Variants in KIAA1958 observed in about 807,000 individuals in gnomAD.
KIAA1958 encodes the protein KIAA1958.
KIAA1958 carries 14 observed loss-of-function variants against 47.2 expected under a neutral mutation model. The ratio of observed to expected loss-of-function variants is 0.30; its 90% CI spans 0.20 to 0.46. KIAA1958 has a LOEUF of 0.46. Among genes scored for constraint, KIAA1958 ranks in the 20% least tolerant of loss-of-function variants. The probability of loss-of-function intolerance (pLI) is 1.00; values close to 1 mark genes in which losing one functional copy is unlikely to be tolerated. For synonymous variants in KIAA1958, 354 were observed against 353.3 expected (o/e 1.00, Z -0.02); for missense variants, 803 against 909.2 (o/e 0.88, Z 1.50).
At position 112,618,493 on chromosome 9, in the gene KIAA1958, A is replaced by G. The variant is rs1366549827; in HGVS notation, c.1172-27157A>G. The stretch of plus-strand genomic sequence containing the variant: ...GAGACTTGAATGCCAAAACCAAGAG[A>G]GGGGGGACAGACTCCCGTGTGTATG... On this transcript the variant is annotated intron_variant, in intron 2 of 3. Transcript: ENST00000337530. The surrounding 1 kb of genome is among the most constrained non-coding windows in gnomAD (Gnocchi z 7.1). 3 of 1,550,510 alleles carry G rather than the reference A, an allele frequency of 1.9e-6. No individual in the cohort carries two copies. The African/African-American group carries it at 4.1e-5, about 21-fold the overall frequency.
intron 1 of KIAA1958, among the ~76,000 whole-genome samples, chr9:112,553,153 TC>T (rs1835185228): frequency 2.5e-5 from 1 of 40,428 alleles, no homozygotes; most frequent in South Asian, 9.9e-4. Flanking sequence ...TCTGCTCCCC[TC>T]CCCTGCCCTC....
At chr9:112,544,426 A>G (rs1834995278) in intron 1 of KIAA1958, among the ~76,000 whole-genome samples, 1 of 152,228 alleles carries the variant, frequency 6.6e-6, no homozygotes, top group East Asian at 1.9e-4. Context: ...TAGGGACCAC[A>G]TCTATCTTAT....
chr9:112,487,082 A>T lies in KIAA1958; in HGVS notation c.-61A>T. 1 of 224,792 alleles carries T rather than the reference A, an allele frequency of 4.4e-6. No homozygotes were observed. The highest frequency in any genetic ancestry group is 9.1e-6 in the Non-Finnish European group (1 of 110,422). The allele number at this position is 224,792 out of a possible 1,614,324, so 13.9% of individuals were successfully genotyped here. On this transcript the variant is annotated 5_prime_UTR_variant, in exon 1 of 4. Coordinates refer to ENST00000337530, the MANE Select transcript of KIAA1958 (RefSeq NM_133465.4). ...GGCTCTCGCAGGCCCCCCCGCGCCGACCGCGTTCCTATGGACAGACGCACA... is the reference window on the plus strand; with the variant it reads ...GGCTCTCGCAGGCCCCCCCGCGCCGTCCGCGTTCCTATGGACAGACGCACA...
chr9:112,651,174 A>G (rs897848716), intron 3 of KIAA1958, among the ~76,000 whole-genome samples: 1 of 152,072 alleles, frequency 6.6e-6, no homozygotes, highest in Non-Finnish European at 1.5e-5. Context: ...ACTTAACCTA[A>G]TTGACCTGTA....
chr9:112,533,098 T>A (rs1275931526), intron 1 of KIAA1958, among the ~76,000 whole-genome samples: 1 of 152,124 alleles, frequency 6.6e-6, no homozygotes, highest in East Asian at 1.9e-4. Context: ...TTATAAAATA[T>A]GTGTGTATCT....
chr9:112,637,176 G>A (rs1229298600), intron 2 of KIAA1958, among the ~76,000 whole-genome samples: 2 of 152,152 alleles, frequency 1.3e-5, no homozygotes, highest in East Asian at 1.9e-4. Context: ...CCCACAAGAC[G>A]TCACTAGTAT....
At chr9:112,561,131 T>C (rs533768723) in intron 1 of KIAA1958, among the ~76,000 whole-genome samples, 2 of 151,480 alleles carry the variant, frequency 1.3e-5, no homozygotes, top group Non-Finnish European at 2.9e-5. Context: ...CTTGGCTCAC[T>C]GCAAGCTCCG....
At chr9:112,622,800 A>T (rs1160906778) in intron 2 of KIAA1958, among the ~76,000 whole-genome samples, 3 of 152,192 alleles carry the variant, frequency 2.0e-5, no homozygotes, top group Non-Finnish European at 4.4e-5. Flanking sequence ...TAGCTTGCAG[A>T]TGCCATGAAA....
chr9:112,601,035 T>G (rs904247437), intron 2 of KIAA1958, among the ~76,000 whole-genome samples: 2 of 152,192 alleles, frequency 1.3e-5, no homozygotes, highest in African/African-American at 4.8e-5. Context: ...AACCCAGGCA[T>G]TCTTGTTGGC....
intron 3 of KIAA1958, among the ~76,000 whole-genome samples, chr9:112,650,819 A>G (rs745405962): frequency 1.3e-5 from 2 of 152,208 alleles, no homozygotes; most frequent in Non-Finnish European, 2.9e-5. Context: ...AAAGACTGAG[A>G]AATGTTAAAA....
intron 2 of KIAA1958, among the ~76,000 whole-genome samples, chr9:112,621,738 C>G (rs879543662): frequency 2.7e-5 from 4 of 150,270 alleles, no homozygotes; most frequent in Non-Finnish European, 6.0e-5. Flanking sequence ...ATTACAGTAT[C>G]AGTCTTTGTT....
At chr9:112,646,760 AG>A (rs1836981848) in intron 3 of KIAA1958, among the ~76,000 whole-genome samples, 2 of 152,320 alleles carry the variant, frequency 1.3e-5, no homozygotes, top group Admixed American at 1.3e-4. Context: ...AAAAACAAAC[AG>A]GAAAACTGAA....
intron 2 of KIAA1958, among the ~76,000 whole-genome samples, chr9:112,641,383 C>T (rs1348157624): frequency 2.3e-5 from 2 of 88,522 alleles, no homozygotes; most frequent in African/African-American, 4.5e-5. Context: ...TCTGATTCTT[C>T]TCGCTATGTT....
intron 1 of KIAA1958, among the ~76,000 whole-genome samples, chr9:112,519,937 G>T (rs1290555267): frequency 6.6e-6 from 1 of 152,108 alleles, no homozygotes; most frequent in Admixed American, 6.5e-5. Flanking sequence ...CTTGTCTCTT[G>T]TTCCTAATTA....
At position 112,660,151 on chromosome 9, in the gene KIAA1958, G is replaced by A. The variant is rs1490870774; in HGVS notation, c.*82G>A. ...AGCAGCTGGAGCTCCTTGGAGGCAGGGGCTGACCAGGTGTGACCTCCCGGT... is the reference window on the plus strand; with the variant it reads ...AGCAGCTGGAGCTCCTTGGAGGCAGAGGCTGACCAGGTGTGACCTCCCGGT... On this transcript the variant is annotated 3_prime_UTR_variant, in exon 4 of 4. Transcript: ENST00000337530. 7.8e-7 allele frequency: 1 copy of A among 1,278,200 alleles called. No homozygotes were observed. The highest frequency in any genetic ancestry group is 1.1e-6 in the Non-Finnish European group (1 of 907,212). 79.2% of individuals were successfully genotyped at this position (1,278,200 alleles called of 1,614,324 possible). A position where few individuals can be genotyped will look rare whatever the true frequency, so the allele number is the denominator to read the frequency against.
intron 2 of KIAA1958, among the ~76,000 whole-genome samples, chr9:112,596,615 A>G (rs1836037619): frequency 6.6e-6 from 1 of 152,160 alleles, no homozygotes; most frequent in South Asian, 2.1e-4. Context: ...ACTTCTCAAA[A>G]ATATGTGTTG....
intron 2 of KIAA1958, among the ~76,000 whole-genome samples, chr9:112,639,425 C>G (rs1258346144): frequency 6.6e-6 from 1 of 152,196 alleles, no homozygotes; most frequent in Middle Eastern, 3.4e-3. Context: ...ACATTTCATC[C>G]TAGGACACCC....
chr9:112,594,585 C>A (rs1412801471), intron 2 of KIAA1958, among the ~76,000 whole-genome samples: 1 of 152,134 alleles, frequency 6.6e-6, no homozygotes, highest in African/African-American at 2.4e-5. Flanking sequence ...TGAATAATAT[C>A]CCTCATACAC....
intron 1 of KIAA1958, among the ~76,000 whole-genome samples, chr9:112,517,045 G>T (rs765283905): frequency 6.6e-6 from 1 of 152,248 alleles, no homozygotes; most frequent in Non-Finnish European, 1.5e-5. Flanking sequence ...GTGTGTTACA[G>T]TCTGTTTACA....
Sources: gnomAD v4.1 joint callset for allele counts (sites outside exome capture counted in the v4.1 genomes callset) on GRCh38, gnomAD v4.1.1 for gene constraint, Gnocchi (gnomAD v3.1) non-coding constraint, MANE v1.5 for transcripts, NCBI Gene and HGNC (gene_info 2026-07-23, HGNC 2026-07-21) for gene names.